The following RAB23 variants were observed in gnomAD, a reference collection of about 807,000 sequenced individuals.
RAB23 encodes RAB23, member RAS oncogene family.
In RAB23, 15 loss-of-function variants were observed where a neutral mutation model predicts 30.0. The observed-to-expected ratio is 0.50, with a 90% CI of 0.33 to 0.77. The LOEUF (loss-of-function observed/expected upper bound fraction) is 0.77, where lower values mean the gene tolerates loss of function less well. RAB23 is among the 30% of genes least tolerant of loss of function. The pLI, the probability that RAB23 is intolerant of heterozygous loss-of-function variation, is 0.02. For synonymous variants in RAB23, 93 were observed against 94.0 expected, an observed-to-expected ratio of 0.99 and a Z score of 0.06; for missense variants, 243 against 275.4, an observed-to-expected ratio of 0.88 and a Z score of 0.83.
At chr6:57,194,740 T>G in intron 5 of RAB23, 30 bp downstream of exon 5, 1 of 1,490,444 alleles carries the variant, frequency 6.7e-7, no homozygotes, top group South Asian at 1.2e-5. Flanking sequence ...AATTTCTTTT[T>G]GCAATCTATA....
At chr6:57,200,095 T>C (rs1162040619) in intron 3 of RAB23, among the ~76,000 whole-genome samples, 2 of 151,998 alleles carry the variant, frequency 1.3e-5, no homozygotes, top group Admixed American at 6.6e-5. Context: ...AAATACAAGA[T>C]TCCAAGATTT....
rs1391087634 is a variant in RAB23 at position 57,196,562 on chromosome 6, A to T, written c.286T>A (p.Ser96Thr). ...VLVFSTTDRE[S>T]FEAVSSWREK... is the part of the protein sequence containing the mutation. ...CTCCAACTGGAAACTGCTTCAAAAG[A>T]TTCCCTATCTGTGGTAGAGAACACG... The change falls in exon 4 of 7, where the codon TCT becomes ACT. Residue 96 changes from serine (S) to threonine (T), a missense_variant. Transcript: ENST00000468148. The T allele has an allele frequency of 6.2e-7, 1 of 1,614,038 alleles. No homozygotes were observed. Among genetic ancestry groups the T allele is most frequent in the South Asian group, 1.1e-5 (1 of 91,076 alleles).
At chr6:57,191,220 T>C (rs1326887655) in intron 6 of RAB23, among the ~76,000 whole-genome samples, 1 of 152,176 alleles carries the variant, frequency 6.6e-6, no homozygotes, top group Non-Finnish European at 1.5e-5. Context: ...GAGGTCACAT[T>C]AGGGCTCTTT....
chr6:57,216,170 A>G (rs961581895), intron 1 of RAB23, among the ~76,000 whole-genome samples: 1 of 152,218 alleles, frequency 6.6e-6, no homozygotes, highest in African/African-American at 2.4e-5. Flanking sequence ...TAGGAGCAAT[A>G]AGCTCTAATA....
intron 6 of RAB23, among the ~76,000 whole-genome samples, chr6:57,191,445 T>C (rs575452706): frequency 2.0e-5 from 3 of 152,322 alleles, no homozygotes; most frequent in African/African-American, 7.2e-5. Context: ...GCAAATACGA[T>C]AATTTTTATT....
At chr6:57,220,869 A>C in intron 1 of RAB23, among the ~76,000 whole-genome samples, 1 of 152,200 alleles carries the variant, frequency 6.6e-6, no homozygotes, top group Middle Eastern at 3.4e-3. Flanking sequence ...TAAAATAATA[A>C]ATTAATTTCC....
chr6:57,198,428 G>A (rs1007374454), intron 3 of RAB23, among the ~76,000 whole-genome samples: 1 of 152,042 alleles, frequency 6.6e-6, no homozygotes, highest in African/African-American at 2.4e-5. Context: ...GCAGGAGAAT[G>A]GCATGAACCC....
intron 1 of RAB23, among the ~76,000 whole-genome samples, chr6:57,217,505 C>T (rs1019641839): frequency 1.3e-5 from 2 of 152,100 alleles, no homozygotes; most frequent in Non-Finnish European, 2.9e-5. Context: ...GACAGGACTT[C>T]ACCATGTTGG....
At chr6:57,201,468 C>G (rs1327698311) in intron 3 of RAB23, among the ~76,000 whole-genome samples, 1 of 152,152 alleles carries the variant, frequency 6.6e-6, no homozygotes, top group African/African-American at 2.4e-5. Context: ...CAAAAGGAAT[C>G]TGAATGAACC....
intron 2 of RAB23, among the ~76,000 whole-genome samples, chr6:57,208,649 A>T (rs1350654797): frequency 6.7e-6 from 1 of 149,222 alleles, no homozygotes; most frequent in African/African-American, 2.5e-5. Context: ...AAAAAAAAAA[A>T]GCGATTTACC....
intron 3 of RAB23, among the ~76,000 whole-genome samples, chr6:57,200,576 G>C (rs1290829292): frequency 6.7e-6 from 1 of 148,666 alleles, no homozygotes; most frequent in Admixed American, 6.7e-5. Context: ...TTTAGAGGAA[G>C]TACTGTACTC....
intron 1 of RAB23, among the ~76,000 whole-genome samples, chr6:57,217,330 G>A (rs983834907): frequency 6.6e-5 from 10 of 151,520 alleles, no homozygotes; most frequent in Non-Finnish European, 8.8e-5. Context: ...TATTATTTTT[G>A]AGACAAAGTC....
At chr6:57,203,000 G>GCTTTTT (rs1765321861) in intron 3 of RAB23, among the ~76,000 whole-genome samples, 1 of 82,598 alleles carries the variant, frequency 1.2e-5, no homozygotes, top group African/African-American at 4.7e-5. Flanking sequence ...AAGATAGGCT[G>GCTTTTT]TTTTTTTTTT....
At chr6:57,213,680 A>C (rs1336494945) in intron 1 of RAB23, among the ~76,000 whole-genome samples, 1 of 152,196 alleles carries the variant, frequency 6.6e-6, no homozygotes, top group East Asian at 1.9e-4. Context: ...CAAACATTAG[A>C]CATTGAAAAG....
rs1028584251 is a variant in RAB23 at position 57,222,045 on chromosome 6, C to G, written c.-385G>C. 3 of 152,378 alleles carry G rather than the reference C, an allele frequency of 2.0e-5. No individual in the cohort carries two copies. The highest frequency in any genetic ancestry group is 4.4e-5 in the Non-Finnish European group (3 of 68,236). The allele number at this position is 152,378 out of a possible 1,614,324, so 9.4% of individuals were successfully genotyped here. On this transcript the variant is annotated 5_prime_UTR_variant, in exon 1 of 7. Transcript: ENST00000468148. ...CACCGTCCCCCACCGGCCGCGGACC[C>G]GCCGCCCGGCGCCACCGGCTCCTCC...
chr6:57,194,842 C>T lies in RAB23; in HGVS notation c.409G>A (p.Glu137Lys). 6.2e-7 allele frequency: 1 copy of T among 1,612,984 alleles called. No homozygotes were observed. The stretch of plus-strand genomic sequence containing the variant: ...AACTTTAACCTTTTTGCCAGTGCCT[C>T]AGCTTCCTCACTGCACATCAATTTA... Reference protein sequence around the residue: ...DDSCIKNEEAEALAKRLKLRF... With the variant: ...DDSCIKNEEAKALAKRLKLRF... The change falls in exon 5 of 7, where the codon GAG (glutamate) becomes AAG (lysine). Residue 137 changes from glutamate (E) to lysine (K), a missense_variant. Physicochemically the swap from Glu to Lys is moderately conservative, Grantham distance 56 (BLOSUM62 1). Coordinates refer to ENST00000468148, the MANE Select transcript of RAB23 (RefSeq NM_016277.5).
intron 3 of RAB23, among the ~76,000 whole-genome samples, chr6:57,199,832 T>C (rs192180762): frequency 1.3e-5 from 2 of 152,342 alleles, no homozygotes; most frequent in African/African-American, 2.4e-5. Context: ...ATTACTTTTA[T>C]GGTTATAATA....
At position 57,190,474 on chromosome 6, in the gene RAB23, C is replaced by A; in HGVS notation, c.701G>T (p.Cys234Phe). Reference sequence around the variant, plus strand: ...TCCCAAAACATCTTAGGGTATGCTACAGCTGCTAAAAGGATTTCTGTTTTT... The same window carrying A: ...TCCCAAAACATCTTAGGGTATGCTAAAGCTGCTAAAAGGATTTCTGTTTTT... ...TKKNRNPFSS[C>F]SIP Residue 234 changes from cysteine to phenylalanine, a missense_variant, in exon 7 of 7, where the codon TGT (cysteine) becomes TTT (phenylalanine). Coordinates refer to ENST00000468148, the MANE Select transcript of RAB23 (RefSeq NM_016277.5). The A allele has an allele frequency of 6.2e-7, 1 of 1,614,114 alleles. No homozygotes were observed. Among genetic ancestry groups the A allele is most frequent in the Non-Finnish European group, 8.5e-7 (1 of 1,179,962 alleles).
Position 57,188,782 on chromosome 6 carries a change from A to ATTT in RAB23, c.*1676_*1678dup, listed in dbSNP as rs1764715051. The ATTT allele has an allele frequency of 6.6e-6, 1 of 152,220 alleles. No individual in the cohort carries two copies. The highest frequency in any genetic ancestry group is 6.5e-5 in the Admixed American group (1 of 15,280). The allele number at this position is 152,220 out of a possible 1,614,324, so 9.4% of individuals were successfully genotyped here. A position where few individuals can be genotyped will look rare whatever the true frequency, so the allele number is the denominator to read the frequency against. ...CATTTCAATATAATGAAAAGCAAAA[A>ATTT]TTTACTTTTTAATTTTTTTTATTTT... On this transcript the variant is annotated 3_prime_UTR_variant, in exon 7 of 7. Coordinates refer to ENST00000468148, the MANE Select transcript of RAB23 (RefSeq NM_016277.5).
Sources: allele counts gnomAD v4.1 joint callset (sites outside exome capture counted in the v4.1 genomes callset), GRCh38; gene constraint gnomAD v4.1.1; transcripts MANE v1.5; gene names NCBI Gene and HGNC (gene_info 2026-07-23, HGNC 2026-07-21).